Variants in CSMD1 observed in about 807,000 individuals in gnomAD.
CSMD1 encodes the protein CUB and sushi domain-containing protein 1.
Under a neutral mutation model 417.5 loss-of-function variants are expected in CSMD1, and 213 were observed. That is an observed-to-expected ratio of 0.51 (90% CI 0.46 to 0.57). CSMD1 has a LOEUF of 0.57. CSMD1 is among the 20% of genes least tolerant of loss of function. The probability of loss-of-function intolerance (pLI) is 0.00; values close to 1 mark genes in which losing one functional copy is unlikely to be tolerated. For missense variants in CSMD1, 6,923 were observed against 4,529.7 expected, an observed-to-expected ratio of 1.53 and a Z score of -15.17; for synonymous variants, 2,862 against 1,736.8, an observed-to-expected ratio of 1.65 and a Z score of -16.11.
intron 5 of CSMD1, among the ~76,000 whole-genome samples, chr8:3,816,962 C>T (rs1380480456): frequency 6.6e-6 from 1 of 151,908 alleles, no homozygotes; most frequent in Non-Finnish European, 1.5e-5. Context: ...GAAAGATAAA[C>T]CAACAAATAA....
intron 12 of CSMD1, among the ~76,000 whole-genome samples, chr8:3,441,492 C>CATATATATATATATATATATATATATAT (rs377759438): frequency 1.4e-5 from 2 of 143,978 alleles, no homozygotes; most frequent in Admixed American, 1.5e-4. Flanking sequence ...CATATAATTT[C>CATATATATATATATATATATATATATAT]ATATATATAT....
intron 6 of CSMD1, among the ~76,000 whole-genome samples, chr8:3,710,150 T>G (rs1178435266): frequency 6.6e-6 from 1 of 152,096 alleles, no homozygotes; most frequent in Non-Finnish European, 1.5e-5. Flanking sequence ...ATTTTTAGGC[T>G]ATAAGAGTTG....
intron 4 of CSMD1, among the ~76,000 whole-genome samples, chr8:4,024,392 T>A (rs953263004): frequency 6.6e-6 from 1 of 152,116 alleles, no homozygotes; most frequent in Non-Finnish European, 1.5e-5. Context: ...CTGATGGAAG[T>A]TTTACTTTCA....
At chr8:4,082,481 G>C (rs1038825290) in intron 3 of CSMD1, among the ~76,000 whole-genome samples, 1 of 151,920 alleles carries the variant, frequency 6.6e-6, no homozygotes, top group African/African-American at 2.4e-5. Flanking sequence ...GGAGATTAAC[G>C]TAATTTTGAT....
In CSMD1 at chr8:4,301,090, G is replaced by A. The variant is rs138541373; in HGVS notation, c.415+118863C>T. 1.8e-3 allele frequency among the ~76,000 whole-genome samples: 267 copies of A among 152,290 alleles called. 1 individual carries two copies. The highest frequency in any genetic ancestry group is 6.3e-3 in the African/African-American group (260 of 41,560). Reference sequence around the variant, plus strand: ...GGACTGTAAAGTGGATGCCTAATGAGTTCCCATTGAAACTCTTGCAAAATT... The same window carrying A: ...GGACTGTAAAGTGGATGCCTAATGAATTCCCATTGAAACTCTTGCAAAATT... On this transcript the variant is annotated intron_variant, in intron 3 of 69. Transcript: ENST00000635120.
At chr8:3,794,073 T>G (rs1428747453) in intron 5 of CSMD1, among the ~76,000 whole-genome samples, 1 of 152,180 alleles carries the variant, frequency 6.6e-6, no homozygotes, top group African/African-American at 2.4e-5. Context: ...ATCATTGGCT[T>G]CCCCTGATGG....
At chr8:4,607,916 C>A (rs564112686) in intron 2 of CSMD1, among the ~76,000 whole-genome samples, 55 of 152,262 alleles carry the variant, frequency 3.6e-4, no homozygotes, top group African/African-American at 1.3e-3. Context: ...AGCTTGGACA[C>A]TGGCTAGTGT....
At chr8:4,119,947 G>T (rs1033431073) in intron 3 of CSMD1, among the ~76,000 whole-genome samples, 3 of 4,694 alleles carry the variant, frequency 6.4e-4, no homozygotes, top group Non-Finnish European at 3.9e-3. Flanking sequence ...TGGTTAATAG[G>T]TATCAAAAAA....
At chr8:3,502,143 T>C (rs145193976) in intron 10 of CSMD1, among the ~76,000 whole-genome samples, 3,298 of 152,096 alleles carry the variant, frequency 0.022, 87 homozygotes, top group East Asian at 0.11. Context: ...GGCTGGCAGA[T>C]CACGAGGTCA....
intron 2 of CSMD1, among the ~76,000 whole-genome samples, chr8:4,537,445 A>C (rs1486868875): frequency 6.6e-6 from 1 of 152,162 alleles, no homozygotes; most frequent in Non-Finnish European, 1.5e-5. Flanking sequence ...TATTGTTATT[A>C]AAAGTCATAT....
intron 1 of CSMD1, among the ~76,000 whole-genome samples, chr8:4,805,265 G>A (rs1374181353): frequency 6.6e-6 from 1 of 152,134 alleles, no homozygotes; most frequent in Non-Finnish European, 1.5e-5. Flanking sequence ...TCTCTTTCAT[G>A]GATGTATTTA....
chr8:4,892,805 G>T (rs1439677630), intron 1 of CSMD1, among the ~76,000 whole-genome samples: 1 of 151,994 alleles, frequency 6.6e-6, no homozygotes, highest in African/African-American at 2.4e-5. Context: ...CTTGTAGATG[G>T]GAACTTCTGT....
At chr8:2,988,427 A>T (rs2128945634) in intron 54 of CSMD1, among the ~76,000 whole-genome samples, 1 of 152,336 alleles carries the variant, frequency 6.6e-6, no homozygotes, top group African/African-American at 2.4e-5. Context: ...ACAGTATGTG[A>T]ATCATCCTGA....
At chr8:4,647,748 T>C (rs1803627985) in intron 1 of CSMD1, among the ~76,000 whole-genome samples, 1 of 152,192 alleles carries the variant, frequency 6.6e-6, no homozygotes, top group East Asian at 1.9e-4. Flanking sequence ...ATGATCTCAT[T>C]CCTTTCTTAT....
chr8:4,830,538 G>C (rs1375482683), intron 1 of CSMD1, among the ~76,000 whole-genome samples: 1 of 152,224 alleles, frequency 6.6e-6, no homozygotes, highest in Non-Finnish European at 1.5e-5. Context: ...GGAGATTGCA[G>C]TTTGTGTGTC....
At chr8:4,438,024 G>A (rs1306871156) in intron 2 of CSMD1, among the ~76,000 whole-genome samples, 3 of 152,118 alleles carry the variant, frequency 2.0e-5, no homozygotes, top group South Asian at 2.1e-4. Context: ...AAGGGGGCAT[G>A]GAATACTTCC....
At chr8:4,388,303 TAC>T (rs748455037) in intron 3 of CSMD1, among the ~76,000 whole-genome samples, 32 of 117,182 alleles carry the variant, frequency 2.7e-4, no homozygotes, top group East Asian at 6.7e-4. Context: ...GAAACTGTGA[TAC>T]ACACACACAC....
intron 2 of CSMD1, among the ~76,000 whole-genome samples, chr8:4,491,439 A>G (rs1801695739): frequency 6.6e-6 from 1 of 152,140 alleles, no homozygotes; most frequent in African/African-American, 2.4e-5. Context: ...AAGGTCAGCA[A>G]AACTGCCTGT....
intron 3 of CSMD1, among the ~76,000 whole-genome samples, chr8:4,377,531 A>C (rs531336989): frequency 1.8e-4 from 28 of 152,338 alleles, no homozygotes; most frequent in African/African-American, 6.3e-4. Flanking sequence ...AGGAGAACTA[A>C]TATATACTCA....
Sources: gnomAD v4.1 joint callset for allele counts (sites outside exome capture counted in the v4.1 genomes callset) on GRCh38, gnomAD v4.1.1 for gene constraint, MANE v1.5 for transcripts, NCBI Gene and HGNC (gene_info 2026-07-23, HGNC 2026-07-21) for gene names.